PDGFRB: variants seen among roughly 807,000 people sequenced by gnomAD.
The protein encoded by PDGFRB is platelet-derived growth factor receptor beta.
In PDGFRB, 42 loss-of-function variants were observed where a neutral mutation model predicts 120.2. That is an observed-to-expected ratio of 0.35 (90% CI 0.27 to 0.45). PDGFRB has a LOEUF of 0.45. PDGFRB is among the 20% of genes least tolerant of loss of function. PDGFRB has a pLI of 1.00. For missense variants in PDGFRB, 1,149 were observed against 1,476.3 expected (o/e 0.78, Z 3.63); for synonymous variants, 586 against 606.8 (o/e 0.97, Z 0.50).
intron 1 of PDGFRB, 77 bp from the exon 2 acceptor site, chr5:150,137,130 C>T (rs2113915250): frequency 8.0e-7 from 1 of 1,256,534 alleles, no homozygotes; most frequent in Non-Finnish European, 1.1e-6. Flanking sequence ...CTGGCTCCTG[C>T]AGAATGAGCC....
chr5:150,116,419 T>C (rs1423645175), intron 22 of PDGFRB, among the ~76,000 whole-genome samples: 1 of 151,756 alleles, frequency 6.6e-6, no homozygotes, highest in Admixed American at 6.6e-5. Flanking sequence ...TTGAGACCAG[T>C]CTCAACATGG....
At chr5:150,142,586 C>T (rs1186644806) in intron 1 of PDGFRB, among the ~76,000 whole-genome samples, 1 of 150,050 alleles carries the variant, frequency 6.7e-6, no homozygotes, top group Non-Finnish European at 1.5e-5. Flanking sequence ...GTAAGAAGAC[C>T]TGGCTCTAGT....
At chr5:150,131,752 G>A (rs1013322395) in intron 8 of PDGFRB, among the ~76,000 whole-genome samples, 3 of 152,224 alleles carry the variant, frequency 2.0e-5, no homozygotes, top group African/African-American at 7.2e-5. Context: ...AGTGCCTGAA[G>A]TTTTGGAAAC....
At chr5:150,153,289 C>G (rs537807267) in intron 1 of PDGFRB, 1 of 152,284 alleles carries the variant, frequency 6.6e-6, no homozygotes, top group Non-Finnish European at 1.5e-5. Flanking sequence ...TCTCTTTCCT[C>G]TCTCAAGACC....
intron 1 of PDGFRB, among the ~76,000 whole-genome samples, chr5:150,143,763 C>T (rs916548074): frequency 6.6e-6 from 1 of 152,076 alleles, no homozygotes; most frequent in Non-Finnish European, 1.5e-5. Context: ...AGGGGAGAAA[C>T]TGGGGAAGTG....
chr5:150,150,150 G>A (rs1761033565), intron 1 of PDGFRB, among the ~76,000 whole-genome samples: 2 of 152,184 alleles, frequency 1.3e-5, no homozygotes, highest in African/African-American at 4.8e-5. Context: ...TGGAGGCTGA[G>A]CCCTGAACCA....
intron 1 of PDGFRB, among the ~76,000 whole-genome samples, chr5:150,149,864 A>C (rs909069287): frequency 9.2e-5 from 14 of 152,178 alleles, no homozygotes; most frequent in Non-Finnish European, 1.8e-4. Flanking sequence ...ACTTCTCAGA[A>C]GGGAAGGTAA....
At chr5:150,116,895 T>G (rs1047587628) in intron 22 of PDGFRB, among the ~76,000 whole-genome samples, 1 of 152,088 alleles carries the variant, frequency 6.6e-6, no homozygotes, top group African/African-American at 2.4e-5. Flanking sequence ...CCTTCCCAGG[T>G]CTCAGCGGCT....
intron 8 of PDGFRB, among the ~76,000 whole-genome samples, chr5:150,131,171 T>A (rs1178022820): frequency 1.3e-5 from 2 of 152,222 alleles, no homozygotes; most frequent in African/African-American, 4.8e-5. Flanking sequence ...TGGCTCTTCA[T>A]TTCGGTCATA....
chr5:150,136,712 C>T (rs1229206463), intron 2 of PDGFRB, among the ~76,000 whole-genome samples: 2 of 152,074 alleles, frequency 1.3e-5, no homozygotes, highest in Non-Finnish European at 2.9e-5. Context: ...TCCACCAGAC[C>T]GAGGATAGGA....
intron 22 of PDGFRB, 72 bp downstream of exon 22, chr5:150,117,544 GCA>G (rs3836743): frequency 0.014 from 7,333 of 512,352 alleles, 47 homozygotes; most frequent in East Asian, 0.058. Flanking sequence ...GCGCGCGCGC[GCA>G]CACACACACA....
rs1760012875 is a variant in PDGFRB, at chr5:150,117,921, AC to A, written c.2905-72del. The A allele has an allele frequency of 3.6e-6, 3 of 832,164 alleles. No homozygotes were observed. The East Asian group carries it at 8.0e-5, about 22-fold the overall frequency. The allele number at this position is 832,164 out of a possible 1,614,324, so 51.5% of individuals were successfully genotyped here. A position where few individuals can be genotyped will look rare whatever the true frequency, so the allele number is the denominator to read the frequency against. ...CAGAAATGCCTTCAGGGATCTTCTA[AC>A]CGAGCCCATCCCCCTTTGTATAAAT... On this transcript the variant is annotated intron_variant, in intron 21 of 22. Transcript: ENST00000261799.
intron 21 of PDGFRB, 38 bp from the exon 22 acceptor site, chr5:150,117,888 G>A (rs1203926724): frequency 8.1e-7 from 1 of 1,237,940 alleles, no homozygotes; most frequent in Non-Finnish European, 1.2e-6. Context: ...AAACAGGGAT[G>A]GTCAGGCCAG....
At chr5:150,146,908 G>A (rs577299154) in intron 1 of PDGFRB, among the ~76,000 whole-genome samples, 1 of 152,226 alleles carries the variant, frequency 6.6e-6, no homozygotes, top group Non-Finnish European at 1.5e-5. Context: ...CAGTGTATGC[G>A]GGAGGCCTGC....
At chr5:150,118,075 AC>A (rs1760018338) in intron 21 of PDGFRB, among the ~76,000 whole-genome samples, 1 of 152,146 alleles carries the variant, frequency 6.6e-6, no homozygotes, top group South Asian at 2.1e-4. Context: ...CAGTTATCAG[AC>A]CAGCACCCAG....
Position 150,123,229 on chromosome 5 carries a change from C to T in PDGFRB, c.2024-28G>A, listed in dbSNP as rs1281268721. The T allele has an allele frequency of 4.4e-6, 7 of 1,597,386 alleles. No individual in the cohort carries two copies. The East Asian group carries it at 1.3e-4, about 31-fold the overall frequency. Reference sequence around the variant, plus strand: ...GCAGAGGGACAGGCTCAGGGACAGTCCCTATGGAGGCCTCAGGCGTCCCTT... The same window carrying T: ...GCAGAGGGACAGGCTCAGGGACAGTTCCTATGGAGGCCTCAGGCGTCCCTT... On this transcript the variant is annotated intron_variant, in intron 14 of 22. Transcript: ENST00000261799.
rs778955311 is a variant in PDGFRB, at chr5:150,119,534, C to T, written c.2731G>A (p.Glu911Lys). 6 of 1,612,896 alleles carry T rather than the reference C, an allele frequency of 3.7e-6. No homozygotes were observed. The highest frequency in any genetic ancestry group is 2.7e-5 in the African/African-American group (2 of 74,882). The change falls in exon 20 of 23, where the codon GAG (glutamate) becomes AAG (lysine). Residue 911 changes from glutamate to lysine, a missense_variant. This residue lies in a region of PDGFRB where 68 missense variants were observed against 153.3 expected (regional missense o/e 0.44). Transcript: ENST00000261799. ...CGTTTGATGGCATTGTAGAACTGCT[C>T]GTTCATGGGCAGCTCTGGGTAAGGG... ...GTPYPELPMN[E>K]QFYNAIKRGY...
At position 150,123,163 on chromosome 5, in the gene PDGFRB, C is replaced by A; in HGVS notation, c.2062G>T (p.Asp688Tyr). ...YIITEYCRYG[D>Y]LVDYLHRNKH... ...TTGCGGTGCAGGTAGTCCACCAGGT[C>A]TCCGTAGCGGCAGTACTCAGTGATG... Residue 688 changes from aspartate to tyrosine, a missense_variant, in exon 15 of 23, where the codon GAC becomes TAC. Asp to Tyr is a radical substitution (Grantham distance 160). Around this residue, in one of 3 missense-constraint regions of PDGFRB, gnomAD observed 879 missense variants for 1,108.6 expected, o/e 0.79. Transcript: ENST00000261799. 1 of 1,613,882 alleles carries A rather than the reference C, an allele frequency of 6.2e-7. No individual in the cohort carries two copies. The highest frequency in any genetic ancestry group is 1.1e-5 in the South Asian group (1 of 91,080).
Position 150,121,506 on chromosome 5 carries a change from T to C in PDGFRB, c.2345-184A>G, listed in dbSNP as rs144018130. On this transcript the variant is annotated intron_variant, in intron 16 of 22. Transcript: ENST00000261799. The surrounding 1 kb of genome is among the most constrained non-coding windows in gnomAD (Gnocchi z 4.1). ...AAGTTCTCCTGCTTTATCAGTGCCC[T>C]CATTGGCCTTTTGGCATTAGCCCTT... 3.9e-3 allele frequency among the ~76,000 whole-genome samples: 598 copies of C among 152,384 alleles called. 2 individuals are homozygous for C. The highest frequency in any genetic ancestry group is 0.014 in the African/African-American group (564 of 41,596).
Sources: allele counts gnomAD v4.1 joint callset (sites outside exome capture counted in the v4.1 genomes callset), GRCh38; gene constraint gnomAD v4.1.1; regional missense constraint gnomAD v4.1.1; non-coding constraint Gnocchi (gnomAD v3.1); transcripts MANE v1.5; gene names NCBI Gene and HGNC (gene_info 2026-07-23, HGNC 2026-07-21).